SYNE2: variants seen among roughly 807,000 people sequenced by gnomAD.
SYNE2 encodes spectrin repeat containing nuclear envelope protein 2, also known as nesprin-2.
In SYNE2, 431 loss-of-function variants were observed where a neutral mutation model predicts 856.3. The ratio of observed to expected loss-of-function variants is 0.50; its 90% CI spans 0.47 to 0.55. The LOEUF is 0.55. Ranked by LOEUF, SYNE2 falls within the 20% of genes least tolerant of loss-of-function variation. The pLI is 0.00. For synonymous variants in SYNE2, 2,923 were observed against 2,872.3 expected (o/e 1.02, Z -0.56); for missense variants, 8,129 against 8,023.2 (o/e 1.01, Z -0.50).
chr14:64,108,699 T>C (rs1595575900), intron 65 of SYNE2, among the ~76,000 whole-genome samples: 1 of 152,044 alleles, frequency 6.6e-6, no homozygotes, highest in East Asian at 1.9e-4. Context: ...AAATATCTCT[T>C]AGTTCTCAAA....
At chr14:64,090,735 A>T in intron 59 of SYNE2, 131 bp from the exon 60 acceptor site, 1 of 835,480 alleles carries the variant, frequency 1.2e-6, no homozygotes, top group Non-Finnish European at 1.8e-6. Flanking sequence ...AGTTCTTTTC[A>T]ATCTGAGCTA....
chr14:64,081,580 G>T lies in SYNE2; in HGVS notation c.11484G>T (p.Gln3828His), dbSNP rs1567237114. The T allele has an allele frequency of 6.2e-7, 1 of 1,613,982 alleles. No homozygotes were observed. Among genetic ancestry groups the T allele is most frequent in the East Asian group, 2.2e-5 (1 of 44,888 alleles). ...RTLSHHASTV[Q>H]MALEDSEQKH... ...TGAGTCACCATGCTAGCACTGTGCA[G>T]GTAAGTGTTCTTCCAGGTTTTCTGC... The change falls in exon 57 of 116, where the codon CAG (glutamine) becomes CAT (histidine). Residue 3828 changes from glutamine (Q) to histidine (H), a missense_variant and splice_region_variant. By Grantham distance (24) the Gln-to-His change is conservative. Transcript: ENST00000555002.
chr14:64,141,441 T>C lies in SYNE2; in HGVS notation c.15077T>C (p.Leu5026Pro), dbSNP rs1952516378. The change falls in exon 81 of 116, where the codon CTG (leucine) becomes CCG (proline). Residue 5026 changes from leucine (L) to proline (P), a missense_variant. This residue lies in a region of SYNE2 where 5,410 missense variants were observed against 5,284.8 expected (regional missense o/e 1.02). Transcript: ENST00000555002. Reference protein sequence around the residue: ...LHLKETDTATLRASLAQFEQK... With the variant: ...LHLKETDTATPRASLAQFEQK... ...CTGAAAGAAACTGATACAGCTACAC[T>C]GAGAGCTTCTTTAGCACAGTTTGAA... 1.9e-6 allele frequency: 3 copies of C among 1,614,024 alleles called. No individual in the cohort carries two copies. Among genetic ancestry groups the C allele is most frequent in the Non-Finnish European group, 2.5e-6 (3 of 1,179,992 alleles).
chr14:63,993,817 A>G lies in SYNE2; in HGVS notation c.2647-18A>G. 1 of 1,496,576 alleles carries G rather than the reference A, an allele frequency of 6.7e-7. No homozygotes were observed. 92.7% of individuals were successfully genotyped at this position (1,496,576 alleles called of 1,614,324 possible). ...ATGAGGCTTTTATGATTTTGTTTGC[A>G]ATTTTTTTTTTTTTTAGGAAGCACT... is the stretch of plus-strand genomic sequence containing the variant. On this transcript the variant is annotated intron_variant, in intron 21 of 115. Coordinates refer to ENST00000555002, the MANE Select transcript of SYNE2 (RefSeq NM_182914.3).
At chr14:63,971,119 G>GTT (rs2096470134) in intron 11 of SYNE2, among the ~76,000 whole-genome samples, 4 of 126,522 alleles carry the variant, frequency 3.2e-5, no homozygotes, top group Non-Finnish European at 3.4e-5. Context: ...GAGGTTTTTT[G>GTT]GTTTTTTTTT....
intron 1 of SYNE2, among the ~76,000 whole-genome samples, chr14:63,804,722 G>A (rs1034625320): frequency 6.6e-6 from 1 of 152,078 alleles, no homozygotes; most frequent in African/African-American, 2.4e-5. Context: ...TCGAACTCTC[G>A]AACTCAGGTG....
At chr14:64,221,753 CCA>C (rs1356019192) in intron 112 of SYNE2, 49 bp downstream of exon 112, 43 of 1,603,656 alleles carry the variant, frequency 2.7e-5, no homozygotes, top group Non-Finnish European at 3.5e-5. Context: ...TCTGTCAGCC[CCA>C]GAGAGGCAGC....
chr14:64,162,332 A>AAGGG (rs1471708219), intron 88 of SYNE2, 56 bp downstream of exon 88: 5 of 1,564,382 alleles, frequency 3.2e-6, no homozygotes, highest in Non-Finnish European at 4.4e-6. Context: ...CAGATGGGGT[A>AAGGG]AGGGACAGCC....
At chr14:64,098,365 CT>C (rs1240123269) in intron 62 of SYNE2, 1 of 625,312 alleles carries the variant, frequency 1.6e-6, no homozygotes, top group Non-Finnish European at 2.8e-6. Context: ...ACCTGAATTA[CT>C]TTAGGACATG....
intron 1 of SYNE2, among the ~76,000 whole-genome samples, chr14:63,783,417 G>T (rs1887394747): frequency 6.6e-6 from 1 of 151,930 alleles, no homozygotes; most frequent in African/African-American, 2.4e-5. Flanking sequence ...TTGCTCTGTT[G>T]CCCAGGCCGG....
chr14:64,218,465 C>T lies in SYNE2; in HGVS notation c.19610C>T (p.Pro6537Leu). 1 of 1,614,086 alleles carries T rather than the reference C, an allele frequency of 6.2e-7. No homozygotes were observed. The highest frequency in any genetic ancestry group is 8.5e-7 in the Non-Finnish European group (1 of 1,180,030). Reference protein sequence around the residue: ...KEGPRVLNGNPQQEDGGLAGI... With the variant: ...KEGPRVLNGNLQQEDGGLAGI... Reference sequence around the variant, plus strand: ...GGCCCGCGAGTCCTGAATGGCAACCCACAGCAGGAAGACGGGGGACTGGCC... The same window carrying T: ...GGCCCGCGAGTCCTGAATGGCAACCTACAGCAGGAAGACGGGGGACTGGCC... The change falls in exon 109 of 116, where the codon CCA (proline) becomes CTA (leucine). Residue 6537 changes from proline (P) to leucine (L), a missense_variant. Transcript: ENST00000555002.
intron 10 of SYNE2, among the ~76,000 whole-genome samples, chr14:63,966,935 G>A (rs2096401334): frequency 6.6e-6 from 1 of 150,428 alleles, no homozygotes; most frequent in South Asian, 2.1e-4. Flanking sequence ...GCGTGATCTC[G>A]GCTCACTGCA....
At chr14:64,131,832 T>A in intron 76 of SYNE2, among the ~76,000 whole-genome samples, 1 of 152,376 alleles carries the variant, frequency 6.6e-6, no homozygotes, top group East Asian at 1.9e-4. Flanking sequence ...AAAATGTTTG[T>A]CATTTAAAAT....
chr14:64,193,508 C>T (rs2098527295), intron 99 of SYNE2, among the ~76,000 whole-genome samples: 1 of 152,136 alleles, frequency 6.6e-6, no homozygotes, highest in African/African-American at 2.4e-5. Context: ...CTTGATCACA[C>T]CACTGCTCTC....
At chr14:63,794,260 G>T (rs1218294132) in intron 1 of SYNE2, among the ~76,000 whole-genome samples, 1 of 151,894 alleles carries the variant, frequency 6.6e-6, no homozygotes, top group African/African-American at 2.4e-5. Context: ...TCATTCTCGT[G>T]CCCCAGGCTG....
chr14:63,912,760 A>G (rs539154775), intron 2 of SYNE2, among the ~76,000 whole-genome samples: 10 of 152,364 alleles, frequency 6.6e-5, no homozygotes, highest in African/African-American at 1.9e-4. Context: ...TTAATATGCT[A>G]TGAAAGCATA....
At chr14:63,931,677 G>A (rs1263490513) in intron 2 of SYNE2, among the ~76,000 whole-genome samples, 8 of 151,996 alleles carry the variant, frequency 5.3e-5, no homozygotes, top group Non-Finnish European at 1.2e-4. Flanking sequence ...TTAGTATTTC[G>A]TAAGTCTTTC....
chr14:63,951,010 C>T (rs536849968), intron 7 of SYNE2, among the ~76,000 whole-genome samples: 7 of 144,776 alleles, frequency 4.8e-5, no homozygotes, highest in African/African-American at 7.6e-5. Context: ...GTGCTCATAT[C>T]TTTTTTTTTT....
chr14:64,219,130 C>T (rs1309533436), intron 109 of SYNE2, 78 bp from the exon 110 acceptor site: 16 of 955,510 alleles, frequency 1.7e-5, no homozygotes, highest in Non-Finnish European at 2.3e-5. Context: ...TTTTTAACCA[C>T]CCTGACCCCT....
Sources: allele counts gnomAD v4.1 joint callset (sites outside exome capture counted in the v4.1 genomes callset), GRCh38; gene constraint gnomAD v4.1.1; regional missense constraint gnomAD v4.1.1; transcripts MANE v1.5; gene names NCBI Gene and HGNC (gene_info 2026-07-23, HGNC 2026-07-21).